ARHGAP26: variants seen among roughly 807,000 people sequenced by gnomAD.
ARHGAP26 encodes the protein Rho GTPase activating protein 26, also known as rho GTPase-activating protein 26.
Under a neutral mutation model 104.8 loss-of-function variants are expected in ARHGAP26, and 38 were observed. The observed-to-expected ratio is 0.36, with a 90% CI of 0.28 to 0.48. The LOEUF is 0.48. Ranked by LOEUF, ARHGAP26 falls within the 20% of genes least tolerant of loss-of-function variation. The pLI is 0.99. For missense variants in ARHGAP26, 704 were observed against 947.9 expected (o/e 0.74, Z 3.38); for synonymous variants, 341 against 340.0 (o/e 1.00, Z -0.03).
intron 1 of ARHGAP26, among the ~76,000 whole-genome samples, chr5:142,827,659 C>T (rs550780567): frequency 9.9e-5 from 15 of 152,268 alleles, no homozygotes; most frequent in African/African-American, 2.6e-4. Flanking sequence ...ATGGCGTGGG[C>T]TATTGAGTTA....
intron 21 of ARHGAP26, among the ~76,000 whole-genome samples, chr5:143,212,783 C>T (rs1478896702): frequency 6.6e-6 from 1 of 152,250 alleles, no homozygotes; most frequent in Non-Finnish European, 1.5e-5. Context: ...AAGTTTGCCA[C>T]CTTCTGCTCT....
At position 143,112,537 on chromosome 5, in the gene ARHGAP26, T is replaced by C. The variant is rs137948920; in HGVS notation, c.1539-8451T>C. Reference sequence around the variant, plus strand: ...AAGTGTACAGTTCAGTGGTGGTGTATAGTCACCAACACCATCCATCTCCAT... The same window carrying C: ...AAGTGTACAGTTCAGTGGTGGTGTACAGTCACCAACACCATCCATCTCCAT... On this transcript the variant is annotated intron_variant, in intron 17 of 22. Transcript: ENST00000645722. Among the ~76,000 whole-genome samples, 555 of 152,338 alleles carry C rather than the reference T, an allele frequency of 3.6e-3. 6 individuals carry two copies. Among genetic ancestry groups the C allele is most frequent in the African/African-American group, 0.013 (534 of 41,572 alleles).
intron 1 of ARHGAP26, 65 bp from the exon 2 acceptor site, chr5:142,873,335 G>A (rs536946770): frequency 8.1e-7 from 1 of 1,228,150 alleles, no homozygotes; most frequent in Non-Finnish European, 1.2e-6. Context: ...ACCAATAAGG[G>A]CAGCAAATCA....
rs560643662 is a variant in ARHGAP26 at position 143,006,951 on chromosome 5, T to G, written c.1108-7129T>G. ...GGGTGTTATTAAAAGTTCCTAAGCC[T>G]GGGCACAGTGGCTCATGCCTGTAAT... On this transcript the variant is annotated intron_variant, in intron 11 of 22. Coordinates refer to ENST00000645722, the MANE Select transcript of ARHGAP26 (RefSeq NM_001135608.3). Among the ~76,000 whole-genome samples, 23 of 152,204 alleles carry G rather than the reference T, an allele frequency of 1.5e-4. 1 individual carries two copies. Among genetic ancestry groups the G allele is most frequent in the South Asian group, 1.5e-3 (7 of 4,820 alleles).
intron 17 of ARHGAP26, among the ~76,000 whole-genome samples, chr5:143,084,456 A>G (rs1040720373): frequency 6.6e-6 from 1 of 152,168 alleles, no homozygotes; most frequent in African/African-American, 2.4e-5. Flanking sequence ...TGGGGTGCTT[A>G]TGGGAAATCT....
chr5:142,934,282 G>A (rs928616810), intron 11 of ARHGAP26, among the ~76,000 whole-genome samples: 1 of 152,220 alleles, frequency 6.6e-6, no homozygotes, highest in Admixed American at 6.5e-5. Flanking sequence ...GATGGAAAGT[G>A]TGCTGTTGAA....
chr5:142,879,845 G>A (rs1021970366), intron 4 of ARHGAP26, among the ~76,000 whole-genome samples: 5 of 152,164 alleles, frequency 3.3e-5, no homozygotes, highest in African/African-American at 9.7e-5. Context: ...GCCTAAGCAG[G>A]GGTTACAAAT....
At chr5:143,019,399 C>T (rs1352690506) in intron 12 of ARHGAP26, among the ~76,000 whole-genome samples, 2 of 152,118 alleles carry the variant, frequency 1.3e-5, no homozygotes, top group East Asian at 1.9e-4. Flanking sequence ...TCCCATCTCA[C>T]CCGCTGCAGC....
chr5:142,855,983 C>G (rs773116047), intron 1 of ARHGAP26, among the ~76,000 whole-genome samples: 6 of 152,184 alleles, frequency 3.9e-5, no homozygotes, highest in Non-Finnish European at 5.9e-5. Flanking sequence ...TGTATAATCG[C>G]GGCTGTGAGA....
chr5:143,044,001 C>T (rs538721709), intron 14 of ARHGAP26, among the ~76,000 whole-genome samples: 1 of 152,252 alleles, frequency 6.6e-6, no homozygotes, highest in Admixed American at 6.5e-5. Flanking sequence ...GAGGCTGGGA[C>T]AGGAGAGTTT....
chr5:142,863,639 TTC>T (rs1753758106), intron 1 of ARHGAP26, among the ~76,000 whole-genome samples: 1 of 152,212 alleles, frequency 6.6e-6, no homozygotes, highest in Admixed American at 6.5e-5. Flanking sequence ...AGCTGTGATC[TTC>T]TCTGTCAGGG....
intron 10 of ARHGAP26, among the ~76,000 whole-genome samples, chr5:142,927,628 G>T (rs548608967): frequency 6.6e-6 from 1 of 152,336 alleles, no homozygotes; most frequent in South Asian, 2.1e-4. Context: ...AAATAAAACT[G>T]CAGGTATTCC....
chr5:142,829,715 T>C (rs541484580), intron 1 of ARHGAP26, among the ~76,000 whole-genome samples: 1 of 152,356 alleles, frequency 6.6e-6, no homozygotes, highest in East Asian at 1.9e-4. Context: ...ACTTACCCAG[T>C]GTCACCTGGT....
chr5:142,976,592 C>G (rs1773128881), intron 11 of ARHGAP26, among the ~76,000 whole-genome samples: 2 of 152,110 alleles, frequency 1.3e-5, no homozygotes, highest in Non-Finnish European at 2.9e-5. Flanking sequence ...AAAAGCGCAC[C>G]TAAGTAAGAC....
At chr5:142,932,205 T>C (rs1764829796) in intron 11 of ARHGAP26, 80 bp downstream of exon 11, 1 of 1,359,614 alleles carries the variant, frequency 7.4e-7, no homozygotes, top group Non-Finnish European at 1.1e-6. Flanking sequence ...TGATTTTTGC[T>C]GCTGTTCTAA....
At chr5:142,888,807 T>C (rs146563849) in intron 5 of ARHGAP26, among the ~76,000 whole-genome samples, 6 of 152,374 alleles carry the variant, frequency 3.9e-5, no homozygotes, top group African/African-American at 1.4e-4. Context: ...GTCCAGGCAC[T>C]GGGTGTTTTG....
At chr5:142,869,195 CTTTTTCT>C (rs1426510457) in intron 1 of ARHGAP26, among the ~76,000 whole-genome samples, 6 of 148,020 alleles carry the variant, frequency 4.1e-5, no homozygotes, top group Admixed American at 2.0e-4. Context: ...TTTTCTTTTT[CTTTTTCT>C]TTTTTCTTTT....
intron 1 of ARHGAP26, among the ~76,000 whole-genome samples, chr5:142,815,693 C>T (rs997386732): frequency 4.1e-4 from 63 of 152,200 alleles, no homozygotes; most frequent in African/African-American, 1.4e-3. Flanking sequence ...GTCCCCAGGA[C>T]CTGGAGCACT....
At chr5:143,007,037 C>G (rs1778074658) in intron 11 of ARHGAP26, among the ~76,000 whole-genome samples, 1 of 151,756 alleles carries the variant, frequency 6.6e-6, no homozygotes, top group Admixed American at 6.6e-5. Context: ...CGGTGAAACC[C>G]CATCTCTACT....
Sources: allele counts gnomAD v4.1 joint callset (sites outside exome capture counted in the v4.1 genomes callset), GRCh38; gene constraint gnomAD v4.1.1; transcripts MANE v1.5; gene names NCBI Gene and HGNC (gene_info 2026-07-23, HGNC 2026-07-21).